ARHGAP32: variants seen among roughly 807,000 people sequenced by gnomAD.
ARHGAP32 encodes rho GTPase-activating protein 32.
In ARHGAP32, 51 loss-of-function variants were observed where a neutral mutation model predicts 186.5. The observed-to-expected ratio is 0.27, with a 90% CI of 0.22 to 0.35. ARHGAP32 has a LOEUF of 0.35. Ranked by LOEUF, ARHGAP32 falls within the 10% of genes least tolerant of loss-of-function variation. The pLI, the probability that ARHGAP32 is intolerant of heterozygous loss-of-function variation, is 1.00. For synonymous variants in ARHGAP32, 950 were observed against 964.3 expected (o/e 0.99, Z 0.27); for missense variants, 2,186 against 2,623.5 (o/e 0.83, Z 3.64).
intron 10 of ARHGAP32, among the ~76,000 whole-genome samples, chr11:129,060,666 G>T (rs17551886): frequency 0.013 from 2,042 of 152,086 alleles, 20 homozygotes; most frequent in Non-Finnish European, 0.023. Flanking sequence ...AGAGTTCTGG[G>T]GTAATGTGAT....
chr11:129,181,048 G>A (rs1257330968), intron 1 of ARHGAP32, among the ~76,000 whole-genome samples: 1 of 152,086 alleles, frequency 6.6e-6, no homozygotes, highest in East Asian at 1.9e-4. Flanking sequence ...ATATTACCCA[G>A]GAACTGCACC....
intron 1 of ARHGAP32, among the ~76,000 whole-genome samples, chr11:129,212,124 C>T (rs1034715406): frequency 5.3e-5 from 8 of 152,046 alleles, no homozygotes; most frequent in Non-Finnish European, 1.2e-4. Context: ...CACTGCACTC[C>T]AGCCTGGGTG....
intron 2 of ARHGAP32, among the ~76,000 whole-genome samples, chr11:129,154,434 T>C (rs1440909471): frequency 1.3e-5 from 2 of 152,188 alleles, no homozygotes; most frequent in East Asian, 1.9e-4. Context: ...TGCATGCACA[T>C]GTTTATTGCA....
chr11:129,210,637 A>C (rs1944567418), intron 1 of ARHGAP32, among the ~76,000 whole-genome samples: 1 of 152,158 alleles, frequency 6.6e-6, no homozygotes, highest in South Asian at 2.1e-4. Context: ...CAAAACAGAC[A>C]ATGAGACATT....
At chr11:129,229,508 T>C (rs1944830647) in intron 1 of ARHGAP32, among the ~76,000 whole-genome samples, 1 of 152,172 alleles carries the variant, frequency 6.6e-6, no homozygotes, top group African/African-American at 2.4e-5. Flanking sequence ...AGCTAATTCA[T>C]ATCGTTTTTA....
rs527992733 is a variant in ARHGAP32, at chr11:128,989,726, G to A, written c.1196-1601C>T. ...CCCTCCCCTAGCCCCCCAACCCCCC[G>A]AGAGGCCCTGGTGTGTGATGTTCCC... On this transcript the variant is annotated intron_variant, in intron 12 of 22. Coordinates refer to ENST00000682385, the MANE Select transcript of ARHGAP32 (RefSeq NM_001378024.1). Among the ~76,000 whole-genome samples the A allele has an allele frequency of 4.8e-4, 70 of 146,076 alleles. 1 individual carries two copies. Among genetic ancestry groups the A allele is most frequent in the African/African-American group, 1.7e-3 (68 of 39,574 alleles).
rs757892607 is a variant in ARHGAP32, at chr11:128,974,797, T to C, written c.2400A>G (p.Pro800=). ...AATCCAGGCTGGCTACTCCAATGTC[T>C]GGTGGGCTCAAGTCAACATCCTCAG... The part of the protein sequence containing the change: ...HSAEDVDLSP[P]DIGVASLDFD... Residue 800 remains proline (P), a synonymous_variant, in exon 21 of 23, where the codon CCA becomes CCG. Coordinates refer to ENST00000682385, the MANE Select transcript of ARHGAP32 (RefSeq NM_001378024.1). The C allele has an allele frequency of 9.3e-6, 15 of 1,613,996 alleles. No individual in the cohort carries two copies. The highest frequency in any genetic ancestry group is 5.0e-5 in the Admixed American group (3 of 59,996).
At chr11:129,010,304 C>G (rs755155206) in intron 11 of ARHGAP32, among the ~76,000 whole-genome samples, 1 of 152,094 alleles carries the variant, frequency 6.6e-6, no homozygotes, top group East Asian at 1.9e-4. Context: ...TAATTAGATC[C>G]CATTGGTCAA....
intron 11 of ARHGAP32, among the ~76,000 whole-genome samples, chr11:129,034,947 A>G (rs555842322): frequency 6.6e-6 from 1 of 152,260 alleles, no homozygotes; most frequent in South Asian, 2.1e-4. Context: ...GAATTCGGAA[A>G]AAGAAATATC....
chr11:129,143,444 A>G (rs2135433391), intron 2 of ARHGAP32, among the ~76,000 whole-genome samples: 1 of 152,296 alleles, frequency 6.6e-6, no homozygotes, highest in East Asian at 1.9e-4. Flanking sequence ...AATCTCACAC[A>G]GTCCCGCACC....
intron 1 of ARHGAP32, among the ~76,000 whole-genome samples, chr11:129,254,019 T>A (rs143770060): frequency 2.3e-3 from 353 of 152,238 alleles, no homozygotes; most frequent in African/African-American, 8.3e-3. Flanking sequence ...TCCATTAAAA[T>A]TACATTATAA....
chr11:129,217,951 G>A (rs1032885077), intron 1 of ARHGAP32, among the ~76,000 whole-genome samples: 1 of 152,114 alleles, frequency 6.6e-6, no homozygotes, highest in African/African-American at 2.4e-5. Flanking sequence ...GGACTAATAG[G>A]AACAAACTGA....
At chr11:128,988,249 G>A in intron 12 of ARHGAP32, 124 bp from the exon 13 acceptor site, 1 of 655,384 alleles carries the variant, frequency 1.5e-6, no homozygotes, top group East Asian at 2.8e-5. Context: ...GTTAAAAGGA[G>A]CAAAAATTAA....
chr11:129,123,813 A>G lies in ARHGAP32; in HGVS notation c.359+75T>C. 2 of 1,209,128 alleles carry G rather than the reference A, an allele frequency of 1.7e-6. No homozygotes were observed. The highest frequency in any genetic ancestry group is 1.1e-6 in the Non-Finnish European group (1 of 921,002). 74.9% of individuals were successfully genotyped at this position (1,209,128 alleles called of 1,614,324 possible). On this transcript the variant is annotated intron_variant, in intron 4 of 22. Coordinates refer to ENST00000682385, the MANE Select transcript of ARHGAP32 (RefSeq NM_001378024.1). The surrounding 1 kb of genome is among the most constrained non-coding windows in gnomAD (Gnocchi z 4.6). ...CATAGAAAAACTGCTATTTTCGGCA[A>G]ATGTTATGGAAACTGTGGACAGCCA...
chr11:128,977,345 C>T (rs1041923059), intron 19 of ARHGAP32, among the ~76,000 whole-genome samples: 12 of 152,206 alleles, frequency 7.9e-5, no homozygotes, highest in South Asian at 2.1e-4. Context: ...GGCAGCACTA[C>T]GAACACTTTC....
intron 12 of ARHGAP32, among the ~76,000 whole-genome samples, chr11:128,996,426 A>G (rs750792646): frequency 1.3e-5 from 2 of 152,172 alleles, no homozygotes; most frequent in Non-Finnish European, 2.9e-5. Context: ...ATTTTTCATT[A>G]TATGAAAAGT....
At chr11:129,180,188 A>G (rs1944023953) in intron 1 of ARHGAP32, among the ~76,000 whole-genome samples, 2 of 152,180 alleles carry the variant, frequency 1.3e-5, no homozygotes, top group African/African-American at 4.8e-5. Flanking sequence ...ACTACTACTC[A>G]TAAATAAAAA....
intron 11 of ARHGAP32, among the ~76,000 whole-genome samples, chr11:129,001,394 T>TA (rs1346911178): frequency 6.6e-6 from 1 of 152,258 alleles, no homozygotes; most frequent in East Asian, 1.9e-4. Flanking sequence ...TTTATACACC[T>TA]ACTTGCCATT....
rs1944671605 is a variant in ARHGAP32, at chr11:129,218,411, T to C, written c.-4-53984A>G. 5.3e-5 allele frequency among the ~76,000 whole-genome samples: 8 copies of C among 151,236 alleles called. No homozygotes were observed. The Admixed American group carries it at 5.3e-4, about 10-fold the overall frequency. On this transcript the variant is annotated intron_variant, in intron 1 of 6. Coordinates refer to the ARHGAP32 transcript ENST00000525234. ...CAAGTTCTTTAGAGAGATGGTTCCC[T>C]ACACCTTCAATGCATTCCATCTCCC... is the stretch of plus-strand genomic sequence containing the variant.
Sources: allele counts gnomAD v4.1 joint callset (sites outside exome capture counted in the v4.1 genomes callset), GRCh38; gene constraint gnomAD v4.1.1; non-coding constraint Gnocchi (gnomAD v3.1); transcripts MANE v1.5; gene names NCBI Gene and HGNC (gene_info 2026-07-23, HGNC 2026-07-21).